PRRC2C: variants seen among roughly 807,000 people sequenced by gnomAD.
The protein encoded by PRRC2C is proline rich coiled-coil 2C.
A neutral mutation model predicts 317.2 loss-of-function variants in PRRC2C; 72 were observed. That is an observed-to-expected ratio of 0.23 (90% confidence interval 0.19 to 0.28). The LOEUF (loss-of-function observed/expected upper bound fraction) is 0.28, where lower values mean the gene tolerates loss of function less well. Among genes scored for constraint, PRRC2C ranks in the 10% least tolerant of loss-of-function variants. The pLI, the probability that PRRC2C is intolerant of heterozygous loss-of-function variation, is 1.00. For synonymous variants in PRRC2C, 1,296 were observed against 1,205.9 expected, an observed-to-expected ratio of 1.07 and a Z score of -1.55; for missense variants, 3,074 against 3,459.7, an observed-to-expected ratio of 0.89 and a Z score of 2.80.
chr1:171,503,853 T>TA (rs1669648607), intron 1 of PRRC2C, among the ~76,000 whole-genome samples: 3 of 152,284 alleles, frequency 2.0e-5, no homozygotes, highest in Middle Eastern at 3.4e-3. Context: ...AGCTGCGTCT[T>TA]ACATGGCAGC....
Position 171,592,055 on chromosome 1 carries a change from T to C in PRRC2C, c.*208T>C, listed in dbSNP as rs1651552247. ...AGGCTTTGCAAGCTTGTACCTACTA[T>C]ATAACATGTGCTTGGTTGATGGCCA... On this transcript the variant is annotated 3_prime_UTR_variant, in exon 35 of 35. Transcript: ENST00000647382. 1 of 535,210 alleles carries C rather than the reference T, an allele frequency of 1.9e-6. No homozygotes were observed. Among genetic ancestry groups the C allele is most frequent in the Non-Finnish European group, 3.2e-6 (1 of 313,784 alleles). 33.2% of individuals were successfully genotyped at this position (535,210 alleles called of 1,614,324 possible).
chr1:171,520,606 CA>C (rs1366516168), intron 6 of PRRC2C, among the ~76,000 whole-genome samples: 2 of 151,976 alleles, frequency 1.3e-5, no homozygotes, highest in Non-Finnish European at 2.9e-5. Context: ...CTGGAATGAC[CA>C]GATGAAGGAT....
In PRRC2C at chr1:171,548,850, A is replaced by G. The variant is rs375952775; in HGVS notation, c.4973-1236A>G. Among the ~76,000 whole-genome samples, 33 of 152,232 alleles carry G rather than the reference A, an allele frequency of 2.2e-4. No individual in the cohort carries two copies. In the East Asian group the frequency reaches 5.6e-3, roughly 26 times the overall value. On this transcript the variant is annotated intron_variant, in intron 17 of 34. Coordinates refer to ENST00000647382, the MANE Select transcript of PRRC2C (RefSeq NM_001387844.1). ...GCTTACACATTTATTTTAATTAATT[A>G]ACTTATTCATTTCTTTATTTATTGA...
chr1:171,557,992 T>C lies in PRRC2C; in HGVS notation c.5880T>C (p.Ile1960=). The part of the protein sequence containing the change: ...SQSSKQPPPS[I]RLPSAQTPNG... ...CTTCAAAACAACCACCACCATCAATTAGGCTGCCTTCAGCTCAAACACCTA... is the reference window on the plus strand; with the variant it reads ...CTTCAAAACAACCACCACCATCAATCAGGCTGCCTTCAGCTCAAACACCTA... Residue 1960 remains isoleucine, a synonymous_variant, in exon 19 of 35, where the codon ATT becomes ATC. Transcript: ENST00000647382. 1.2e-6 allele frequency: 2 copies of C among 1,613,806 alleles called. No homozygotes were observed. Among genetic ancestry groups the C allele is most frequent in the Non-Finnish European group, 1.7e-6 (2 of 1,179,852 alleles).
chr1:171,590,970 A>G (rs1452123950), intron 34 of PRRC2C, among the ~76,000 whole-genome samples: 2 of 152,216 alleles, frequency 1.3e-5, no homozygotes, highest in East Asian at 3.8e-4. Context: ...AAGGATGGAA[A>G]CTTAAGTTTT....
chr1:171,563,842 C>T (rs547705790), intron 20 of PRRC2C, among the ~76,000 whole-genome samples: 15 of 152,238 alleles, frequency 9.9e-5, no homozygotes, highest in Admixed American at 6.5e-5. Flanking sequence ...GAGAGCATTT[C>T]AGGATTTTTC....
intron 3 of PRRC2C, 58 bp downstream of exon 3, chr1:171,513,230 G>GT: frequency 6.7e-7 from 1 of 1,492,764 alleles, no homozygotes; most frequent in Non-Finnish European, 9.1e-7. Flanking sequence ...GGGAACTTAT[G>GT]TTTGAGTACC....
chr1:171,525,854 C>G (rs1294510201), intron 10 of PRRC2C, among the ~76,000 whole-genome samples: 1 of 152,068 alleles, frequency 6.6e-6, no homozygotes, highest in Non-Finnish European at 1.5e-5. Context: ...ATGGCACATT[C>G]AAGAAATTCT....
chr1:171,580,378 G>T (rs1053079550), intron 28 of PRRC2C, among the ~76,000 whole-genome samples: 1 of 152,180 alleles, frequency 6.6e-6, no homozygotes, highest in African/African-American at 2.4e-5. Context: ...AGAACAGAGA[G>T]GGGTAAATAT....
chr1:171,499,238 C>T (rs776666154), intron 1 of PRRC2C, among the ~76,000 whole-genome samples: 11 of 152,174 alleles, frequency 7.2e-5, no homozygotes, highest in Non-Finnish European at 1.3e-4. Context: ...GAGGAAAGCA[C>T]GTCTCTTGTT....
chr1:171,518,607 T>G (rs886943319), intron 6 of PRRC2C, among the ~76,000 whole-genome samples: 5 of 143,190 alleles, frequency 3.5e-5, no homozygotes, highest in African/African-American at 1.3e-4. Context: ...AAGCAATTCT[T>G]GTGCCTCCGC....
intron 17 of PRRC2C, among the ~76,000 whole-genome samples, chr1:171,549,460 A>G (rs944219372): frequency 3.3e-5 from 5 of 152,212 alleles, no homozygotes. Flanking sequence ...AGGCTAAGAG[A>G]TGGAGGTTAG....
intron 6 of PRRC2C, among the ~76,000 whole-genome samples, chr1:171,518,321 A>G (rs200362300): frequency 6.6e-6 from 1 of 152,148 alleles, no homozygotes; most frequent in Non-Finnish European, 1.5e-5. Context: ...TTTGTATTTT[A>G]CATTATGCAT....
chr1:171,548,514 A>G (rs532059393), intron 17 of PRRC2C, among the ~76,000 whole-genome samples: 2 of 152,282 alleles, frequency 1.3e-5, no homozygotes, highest in Middle Eastern at 6.8e-3. Context: ...TGTATATGTA[A>G]TTTCCAATTA....
At position 171,557,355 on chromosome 1, in the gene PRRC2C, T is replaced by C. The variant is rs1681644829; in HGVS notation, c.5243T>C (p.Val1748Ala). Residue 1748 changes from valine to alanine, a missense_variant, in exon 19 of 35, where the codon GTT (valine) becomes GCT (alanine). Around this residue, in one of 11 missense-constraint regions of PRRC2C, gnomAD observed 640 missense variants for 676.1 expected, o/e 0.95. Coordinates refer to ENST00000647382, the MANE Select transcript of PRRC2C (RefSeq NM_001387844.1). Reference protein sequence around the residue: ...GIQQAQSSASVPPLASAPLPP... With the variant: ...GIQQAQSSASAPPLASAPLPP... ...CAGCAAGCACAGTCTTCAGCCTCAG[T>C]TCCACCTCTAGCTTCGGCTCCACTT... 1 of 1,551,768 alleles carries C rather than the reference T, an allele frequency of 6.4e-7. No homozygotes were observed. The highest frequency in any genetic ancestry group is 1.4e-5 in the African/African-American group (1 of 73,048).
intron 16 of PRRC2C, among the ~76,000 whole-genome samples, chr1:171,542,458 T>C (rs1160188910): frequency 6.6e-6 from 1 of 152,234 alleles, no homozygotes; most frequent in East Asian, 1.9e-4. Context: ...AGAGTTCTCT[T>C]GGAAACTTGT....
chr1:171,515,988 T>G (rs1672279672), intron 5 of PRRC2C, 129 bp downstream of exon 5: 1 of 988,996 alleles, frequency 1.0e-6, no homozygotes, highest in Non-Finnish European at 1.4e-6. Context: ...CTATAGTCAC[T>G]TGCTACTCAG....
At chr1:171,564,803 G>T (rs1449108026) in intron 20 of PRRC2C, among the ~76,000 whole-genome samples, 2 of 152,154 alleles carry the variant, frequency 1.3e-5, no homozygotes, top group Non-Finnish European at 2.9e-5. Context: ...AACCACCCTT[G>T]TATATGTGGT....
In PRRC2C at chr1:171,537,372, C is replaced by T; in HGVS notation, c.2403C>T (p.Ser801=). 6.3e-7 allele frequency: 1 copy of T among 1,589,696 alleles called. No homozygotes were observed. Among genetic ancestry groups the T allele is most frequent in the South Asian group, 1.1e-5 (1 of 87,012 alleles). ...IARSARDHAI[S]LSEPRMLWGS... ...GATCTGCAAGAGATCACGCAATTTC[C>T]CTTTCTGAGCCTCGTATGCTGTGGG... The change falls in exon 15 of 35, where the codon TCC becomes TCT. Residue 801 remains serine (S), a synonymous_variant. Coordinates refer to ENST00000647382, the MANE Select transcript of PRRC2C (RefSeq NM_001387844.1).
Sources: allele counts gnomAD v4.1 joint callset (sites outside exome capture counted in the v4.1 genomes callset), GRCh38; gene constraint gnomAD v4.1.1; regional missense constraint gnomAD v4.1.1; transcripts MANE v1.5; gene names NCBI Gene and HGNC (gene_info 2026-07-23, HGNC 2026-07-21).